Variants in PITRM1 observed in about 807,000 individuals in gnomAD.
The protein encoded by PITRM1 is presequence protease, mitochondrial.
Under a neutral mutation model 129.9 loss-of-function variants are expected in PITRM1, and 100 were observed. The observed-to-expected ratio is 0.77, with a 90% CI of 0.65 to 0.91. PITRM1 has a LOEUF of 0.91. Among genes scored for constraint, PITRM1 ranks in the 40% least tolerant of loss-of-function variants. The pLI is 0.00. For missense variants in PITRM1, 1,471 were observed against 1,318.3 expected, an observed-to-expected ratio of 1.12 and a Z score of -1.79; for synonymous variants, 591 against 508.8, an observed-to-expected ratio of 1.16 and a Z score of -2.17.
At chr10:3,150,683 A>T (rs773972688) in intron 15 of PITRM1, among the ~76,000 whole-genome samples, 4 of 152,174 alleles carry the variant, frequency 2.6e-5, no homozygotes, top group Non-Finnish European at 5.9e-5. Flanking sequence ...GCACCCTGAG[A>T]ACTCAAAAGC....
intron 10 of PITRM1, 34 bp downstream of exon 10, chr10:3,158,880 G>T (rs3814593): frequency 0.27 from 432,179 of 1,598,602 alleles, 59,262 homozygotes; most frequent in Admixed American, 0.32. Context: ...CCCAACCAAT[G>T]AGAACTACTG....
At position 3,163,816 on chromosome 10, in the gene PITRM1, C is replaced by A. The variant is rs202132062; in HGVS notation, c.700G>T (p.Val234Phe). ...RLLPDHTYSV[V>F]SGGDPLCIPE... ...ATGCACAGTGGGTCACCCCCGGAGA[C>A]CACTGAGTACGTGTGGTCAGGAAGA... is the stretch of plus-strand genomic sequence containing the variant. The change falls in exon 7 of 27, where the codon GTC becomes TTC. Residue 234 changes from valine (V) to phenylalanine (F), a missense_variant. Physicochemically the swap from Val to Phe is conservative, Grantham distance 50. Coordinates refer to ENST00000224949, the MANE Select transcript of PITRM1 (RefSeq NM_014889.4). 1.4e-4 allele frequency: 223 copies of A among 1,613,068 alleles called. 1 individual carries two copies. Among genetic ancestry groups the A allele is most frequent in the East Asian group, 8.3e-4 (37 of 44,848 alleles).
At chr10:3,139,353 G>A (rs1021042620) in intron 24 of PITRM1, among the ~76,000 whole-genome samples, 3 of 152,310 alleles carry the variant, frequency 2.0e-5, no homozygotes, top group African/African-American at 7.2e-5. Context: ...GTGGAGGGTA[G>A]GGGCAGGTCA....
intron 2 of PITRM1, among the ~76,000 whole-genome samples, chr10:3,168,964 A>ACT (rs1843118785): frequency 9.2e-6 from 1 of 108,122 alleles, no homozygotes; most frequent in Admixed American, 9.2e-5. Context: ...ACACACACAC[A>ACT]CAATTAGCCA....
At position 3,166,226 on chromosome 10, in the gene PITRM1, T is replaced by TA. The variant is rs1235525973; in HGVS notation, c.418+2dup. Reference sequence around the variant, plus strand: ...CAGTTTCTGTTCAGGATGCTGGTCTTACCTGTGAAGGCGTTCATGAACGTG... The same window carrying TA: ...CAGTTTCTGTTCAGGATGCTGGTCTTAACCTGTGAAGGCGTTCATGAACGTG... On this transcript the variant is annotated splice_region_variant and intron_variant, in intron 4 of 26. Transcript: ENST00000224949. 1.9e-6 allele frequency: 3 copies of TA among 1,607,608 alleles called. No individual in the cohort carries two copies. The highest frequency in any genetic ancestry group is 2.5e-6 in the Non-Finnish European group (3 of 1,177,142).
At chr10:3,161,150 C>T (rs1024214227) in intron 7 of PITRM1, among the ~76,000 whole-genome samples, 5 of 152,288 alleles carry the variant, frequency 3.3e-5, no homozygotes, top group East Asian at 1.9e-4. Context: ...TCTTGGCCTC[C>T]GTAAGTGCTT....
chr10:3,158,898 C>G lies in PITRM1; in HGVS notation c.1136+16G>C, dbSNP rs774472283. On this transcript the variant is annotated intron_variant, in intron 10 of 26. Transcript: ENST00000224949. ...AACCAATGAGAACTACTGATCTAAT[C>G]TAATCATAAACTCACCCAACATCAG... 1.3e-5 allele frequency: 21 copies of G among 1,612,194 alleles called. No homozygotes were observed. The South Asian group carries it at 1.9e-4, about 14-fold the overall frequency.
At chr10:3,172,798 G>C, upstream of PITRM1, 3 of 1,471,768 alleles carry the variant, frequency 2.0e-6, no homozygotes, top group Non-Finnish European at 2.7e-6. Context: ...CCTGGCTGGC[G>C]AGGAACCCCC....
chr10:3,147,487 T>A, intron 19 of PITRM1, 85 bp downstream of exon 19: 1 of 1,405,084 alleles, frequency 7.1e-7, no homozygotes, highest in Non-Finnish European at 1.0e-6. Context: ...TTCTGGGACA[T>A]AAATTAATGT....
Position 3,153,126 on chromosome 10 carries a change from T to C in PITRM1, c.1622-1763A>G, listed in dbSNP as rs1841665026. On this transcript the variant is annotated intron_variant, in intron 14 of 26. Transcript: ENST00000224949. Reference sequence around the variant, plus strand: ...TTACTGACCTGAAATAACCATTCAATGCACTAGCACTGTGCCCTCCTTTCA... The same window carrying C: ...TTACTGACCTGAAATAACCATTCAACGCACTAGCACTGTGCCCTCCTTTCA... Among the ~76,000 whole-genome samples the C allele has an allele frequency of 2.0e-5, 3 of 152,330 alleles. No homozygotes were observed. The South Asian group carries it at 6.2e-4, about 32-fold the overall frequency.
At position 3,147,222 on chromosome 10, in the gene PITRM1, A is replaced by G. The variant is rs753774272; in HGVS notation, c.2264T>C (p.Met755Thr). ...CCTCAGGATGGGTTTGATATCTGTC[A>G]TTTCTGCAATCCTCTTCATCAGCCG... ...QVRLMKRIAEMTDIKPILRKL... is the reference protein window; with the variant it reads ...QVRLMKRIAETTDIKPILRKL... Residue 755 changes from methionine (M) to threonine (T), a missense_variant, in exon 20 of 27, where the codon ATG becomes ACG. Met to Thr is a moderately conservative substitution (Grantham distance 81). Coordinates refer to ENST00000224949, the MANE Select transcript of PITRM1 (RefSeq NM_014889.4). 3.8e-5 allele frequency: 61 copies of G among 1,612,814 alleles called. No homozygotes were observed. The highest frequency in any genetic ancestry group is 4.9e-5 in the Non-Finnish European group (58 of 1,178,968).
At chr10:3,147,335 C>T (rs752549528) in intron 19 of PITRM1, 85 bp from the exon 20 acceptor site, 4 of 1,100,190 alleles carry the variant, frequency 3.6e-6, no homozygotes, top group Non-Finnish European at 5.5e-6. Context: ...GACATCAGAA[C>T]CCTGCTTGGG....
At position 3,155,780 on chromosome 10, in the gene PITRM1, A is replaced by G. The variant is rs147354138; in HGVS notation, c.1483-51T>C. ...AGCCAAGTGAAAACAAGATCTTACT[A>G]TATCCTAACACTCAACAAGCTTCTG... On this transcript the variant is annotated intron_variant, in intron 13 of 26. Transcript: ENST00000224949. 3.9e-4 allele frequency: 618 copies of G among 1,599,938 alleles called. 2 individuals are homozygous for G. The African/African-American group carries it at 7.6e-3, about 20-fold the overall frequency.
chr10:3,167,298 AGCG>A (rs1249955630), intron 2 of PITRM1, among the ~76,000 whole-genome samples: 3 of 151,766 alleles, frequency 2.0e-5, no homozygotes, highest in South Asian at 4.2e-4. Flanking sequence ...CGAGCGAGCG[AGCG>A]AGCGCGAGAG....
At chr10:3,163,932 A>G (rs1842662452) in intron 6 of PITRM1, 47 bp from the exon 7 acceptor site, 1 of 1,311,654 alleles carries the variant, frequency 7.6e-7, no homozygotes, top group Non-Finnish European at 1.1e-6. Flanking sequence ...GTAAAATAAT[A>G]CACACGTTAC....
In PITRM1 at chr10:3,166,391, A is replaced by AGAGGAATGGCACGCTAGGGAAAGC; in HGVS notation, c.267-12_267-11insGCTTTCCCTAGCGTGCCATTCCTC. 2 of 1,394,880 alleles carry AGAGGAATGGCACGCTAGGGAAAGC rather than the reference A, an allele frequency of 1.4e-6. No homozygotes were observed. Among genetic ancestry groups the AGAGGAATGGCACGCTAGGGAAAGC allele is most frequent in the Non-Finnish European group, 1.0e-6 (1 of 999,982 alleles). The allele number at this position is 1,394,880 out of a possible 1,614,324, so 86.4% of individuals were successfully genotyped here. A position where few individuals can be genotyped will look rare whatever the true frequency, so the allele number is the denominator to read the frequency against. On this transcript the variant is annotated splice_polypyrimidine_tract_variant and intron_variant, in intron 3 of 26. Transcript: ENST00000224949. ...GTACGGAACTGCACGCTAGGGAAGGAGAATGACCAGAACGCAAAAGGTTCA... is the reference window on the plus strand; with the variant it reads ...GTACGGAACTGCACGCTAGGGAAGGAGAGGAATGGCACGCTAGGGAAAGCGAATGACCAGAACGCAAAAGGTTCA...
At chr10:3,170,068 G>T in intron 2 of PITRM1, 36 bp downstream of exon 2, 2 of 1,472,062 alleles carry the variant, frequency 1.4e-6, no homozygotes, top group South Asian at 1.1e-5. Context: ...TGCAATGTAT[G>T]TGGATTTATA....
chr10:3,167,185 G>C (rs539250199), intron 2 of PITRM1, 143 bp from the exon 3 acceptor site: 11 of 595,718 alleles, frequency 1.8e-5, no homozygotes, highest in Admixed American at 1.5e-4. Flanking sequence ...CTGGAGAGAA[G>C]AGAACCATCT....
chr10:3,155,173 G>A (rs775877055), intron 14 of PITRM1, among the ~76,000 whole-genome samples: 4 of 152,060 alleles, frequency 2.6e-5, no homozygotes, highest in African/African-American at 9.7e-5. Flanking sequence ...CCTCACGCCT[G>A]TCCCACAGAA....
Sources: gnomAD v4.1 joint callset for allele counts (sites outside exome capture counted in the v4.1 genomes callset) on GRCh38, gnomAD v4.1.1 for gene constraint, MANE v1.5 for transcripts, NCBI Gene and HGNC (gene_info 2026-07-23, HGNC 2026-07-21) for gene names.